PRDM5: variants seen among roughly 807,000 people sequenced by gnomAD.
PRDM5 encodes PR domain zinc finger protein 5.
In PRDM5, 56 loss-of-function variants were observed where a neutral mutation model predicts 81.2. The ratio of observed to expected loss-of-function variants is 0.69; its 90% CI spans 0.56 to 0.86. The LOEUF is 0.86. Among genes scored for constraint, PRDM5 ranks in the 40% least tolerant of loss-of-function variants. PRDM5 has a pLI of 0.00. For missense variants in PRDM5, 697 were observed against 770.1 expected (o/e 0.91, Z 1.12); for synonymous variants, 267 against 256.4 (o/e 1.04, Z -0.39).
Position 120,777,100 on chromosome 4 carries a change from A to G in PRDM5, c.1537+88T>C, listed in dbSNP as rs1382787777. 1.9e-5 allele frequency: 31 copies of G among 1,605,156 alleles called. No homozygotes were observed. In the South Asian group the frequency reaches 3.3e-4, roughly 17 times the overall value. ...CCAAGATTAATTCTTAATCTGGAAG[A>G]TATTTGTATTATTACAATATTTCCT... On this transcript the variant is annotated intron_variant, in intron 13 of 15. Transcript: ENST00000264808.
intron 13 of PRDM5, 22 bp from the exon 14 acceptor site, chr4:120,754,660 A>G (rs758229105): frequency 6.6e-7 from 1 of 1,513,114 alleles, no homozygotes; most frequent in Non-Finnish European, 9.2e-7. Context: ...GGAAGCCTCC[A>G]TGTCAGAAAA....
chr4:120,811,307 A>G (rs1454289018), intron 8 of PRDM5, 63 bp downstream of exon 8: 3 of 1,127,360 alleles, frequency 2.7e-6, no homozygotes, highest in East Asian at 2.6e-5. Context: ...TATACTTACT[A>G]TAAAACATAT....
intron 3 of PRDM5, among the ~76,000 whole-genome samples, chr4:120,852,041 A>G (rs1759331063): frequency 1.3e-5 from 2 of 152,068 alleles, no homozygotes; most frequent in Admixed American, 6.6e-5. Context: ...ATGTTTCCTT[A>G]TTCTTTTGGT....
At chr4:120,854,870 G>C (rs147023744) in intron 2 of PRDM5, among the ~76,000 whole-genome samples, 41 of 151,918 alleles carry the variant, frequency 2.7e-4, no homozygotes, top group African/African-American at 9.4e-4. Context: ...CCAAGCAGAG[G>C]GTACAGCAAG....
intron 13 of PRDM5, among the ~76,000 whole-genome samples, chr4:120,760,737 C>A (rs984853883): frequency 6.6e-6 from 1 of 151,584 alleles, no homozygotes; most frequent in Non-Finnish European, 1.5e-5. Context: ...TGTATTCATT[C>A]ATTAAATAGA....
Position 120,922,520 on chromosome 4 carries a change from C to A in PRDM5, c.89G>T (p.Arg30Leu). The A allele has an allele frequency of 6.2e-7, 1 of 1,603,288 alleles. No individual in the cohort carries two copies. The highest frequency in any genetic ancestry group is 1.1e-5 in the South Asian group (1 of 89,754). The change falls in exon 1 of 16, where the codon CGA (arginine) becomes CTA (leucine). Residue 30 changes from arginine (R) to leucine (L), a missense_variant. Physicochemically the swap from Arg to Leu is moderately radical, Grantham distance 102 (BLOSUM62 -2). Coordinates refer to ENST00000264808, the MANE Select transcript of PRDM5 (RefSeq NM_018699.4). ...GMGLYTARRV[R>L]KGEKFGPFAG... ...GGCCGCCGCCGGGTCACCCACCTTTCGCACTCTGCGGGCCGTGTAGAGCCC... is the reference window on the plus strand; with the variant it reads ...GGCCGCCGCCGGGTCACCCACCTTTAGCACTCTGCGGGCCGTGTAGAGCCC...
chr4:120,743,080 C>T (rs1257927143), intron 14 of PRDM5, among the ~76,000 whole-genome samples: 1 of 151,920 alleles, frequency 6.6e-6, no homozygotes, highest in Non-Finnish European at 1.5e-5. Context: ...TAGCGGATCT[C>T]TCGGCAGAAA....
At chr4:120,815,508 GTAT>G (rs1434024310) in intron 7 of PRDM5, among the ~76,000 whole-genome samples, 1 of 152,114 alleles carries the variant, frequency 6.6e-6, no homozygotes, top group Admixed American at 6.6e-5. Flanking sequence ...CTCTATAACT[GTAT>G]TATTATTAAA....
chr4:120,817,003 CTGAAT>C (rs1450288973), intron 5 of PRDM5, 79 bp from the exon 6 acceptor site: 17 of 1,146,678 alleles, frequency 1.5e-5, no homozygotes, highest in Non-Finnish European at 2.2e-5. Flanking sequence ...TACACTAACT[CTGAAT>C]AAAGTCATGT....
intron 2 of PRDM5, among the ~76,000 whole-genome samples, chr4:120,877,560 T>C (rs1455818314): frequency 6.6e-6 from 1 of 152,132 alleles, no homozygotes; most frequent in Non-Finnish European, 1.5e-5. Context: ...ATCCCAGCAC[T>C]TTGGGAGGCT....
chr4:120,758,119 A>G (rs767783906), intron 13 of PRDM5, among the ~76,000 whole-genome samples: 7 of 151,860 alleles, frequency 4.6e-5, no homozygotes, highest in Non-Finnish European at 1.0e-4. Flanking sequence ...GCTATATTAC[A>G]CCTCTGGCTT....
intron 14 of PRDM5, among the ~76,000 whole-genome samples, chr4:120,729,826 A>G (rs955154634): frequency 6.6e-6 from 1 of 152,204 alleles, no homozygotes; most frequent in African/African-American, 2.4e-5. Flanking sequence ...TCCTAGTGGC[A>G]CCACTAAATG....
At chr4:120,888,761 A>G (rs1303893842) in intron 2 of PRDM5, among the ~76,000 whole-genome samples, 1 of 152,220 alleles carries the variant, frequency 6.6e-6, no homozygotes, top group East Asian at 1.9e-4. Context: ...CAAACATTTG[A>G]CATTGTCTTT....
chr4:120,772,805 A>T (rs992269045), intron 13 of PRDM5, among the ~76,000 whole-genome samples: 9 of 152,194 alleles, frequency 5.9e-5, no homozygotes, highest in Admixed American at 1.3e-4. Flanking sequence ...CTGCAAGGTC[A>T]AAACTACTTT....
At chr4:120,802,913 T>C (rs1208528931) in intron 8 of PRDM5, among the ~76,000 whole-genome samples, 3 of 152,152 alleles carry the variant, frequency 2.0e-5, no homozygotes, top group Non-Finnish European at 4.4e-5. Context: ...TTCTCCGAGC[T>C]AAAGGAAGAA....
At chr4:120,735,010 GGCC>G (rs1432270687) in intron 14 of PRDM5, among the ~76,000 whole-genome samples, 2 of 152,114 alleles carry the variant, frequency 1.3e-5, no homozygotes, top group Non-Finnish European at 2.9e-5. Context: ...ACAGTTAGTT[GGCC>G]ATCTGAGACC....
chr4:120,718,523 G>A lies in PRDM5; in HGVS notation c.1624-8110C>T, dbSNP rs376177367. ...ATTCATAAGGGACTCTCACTAAGGA[G>A]AGACCTTGAGAACACCACATCATCA... On this transcript the variant is annotated intron_variant, in intron 14 of 15. Coordinates refer to ENST00000264808, the MANE Select transcript of PRDM5 (RefSeq NM_018699.4). Among the ~76,000 whole-genome samples, 206 of 152,172 alleles carry A rather than the reference G, an allele frequency of 1.4e-3. 3 individuals are homozygous for A. The highest frequency in any genetic ancestry group is 6.8e-3 in the Middle Eastern group (2 of 294).
chr4:120,728,812 A>T (rs1341849897), intron 14 of PRDM5, among the ~76,000 whole-genome samples: 1 of 152,254 alleles, frequency 6.6e-6, no homozygotes, highest in Non-Finnish European at 1.5e-5. Flanking sequence ...TCCATAATGG[A>T]GAGGTACACC....
intron 2 of PRDM5, among the ~76,000 whole-genome samples, chr4:120,865,383 T>C (rs1030290301): frequency 2.6e-5 from 4 of 152,234 alleles, no homozygotes; most frequent in African/African-American, 9.6e-5. Context: ...TTGCCATTGC[T>C]GAGTCAGCCT....
Sources: allele counts gnomAD v4.1 joint callset (sites outside exome capture counted in the v4.1 genomes callset), GRCh38; gene constraint gnomAD v4.1.1; transcripts MANE v1.5; gene names NCBI Gene and HGNC (gene_info 2026-07-23, HGNC 2026-07-21).